Variants in NDUFA9 observed in about 807,000 individuals in gnomAD.
NDUFA9 encodes the protein NADH dehydrogenase [ubiquinone] 1 alpha subcomplex subunit 9, mitochondrial.
A neutral mutation model predicts 45.9 loss-of-function variants in NDUFA9; 23 were observed. The ratio of observed to expected loss-of-function variants is 0.50; its 90% CI spans 0.36 to 0.71. NDUFA9 has a LOEUF of 0.71. NDUFA9 is among the 30% of genes least tolerant of loss of function. The pLI is 0.00. For synonymous variants in NDUFA9, 176 were observed against 170.5 expected (o/e 1.03, Z -0.25); for missense variants, 466 against 488.2 (o/e 0.95, Z 0.43).
chr12:4,660,899 A>G (rs925428119), intron 5 of NDUFA9, among the ~76,000 whole-genome samples: 2 of 152,106 alleles, frequency 1.3e-5, no homozygotes, highest in African/African-American at 2.4e-5. Flanking sequence ...GAACTGAGGA[A>G]GTGGGAATGG....
chr12:4,672,862 GCA>G (rs1209257706), intron 8 of NDUFA9, among the ~76,000 whole-genome samples: 1 of 152,222 alleles, frequency 6.6e-6, no homozygotes, highest in African/African-American at 2.4e-5. Flanking sequence ...AGATCTCCCA[GCA>G]CAGCATTTGA....
Position 4,688,404 on chromosome 12 carries a change from G to A in NDUFA9, c.*1296G>A, listed in dbSNP as rs1946000145. 1 of 150,622 alleles carries A rather than the reference G, an allele frequency of 6.6e-6. No individual in the cohort carries two copies. Among genetic ancestry groups the A allele is most frequent in the African/African-American group, 2.5e-5 (1 of 40,796 alleles). 9.3% of individuals were successfully genotyped at this position (150,622 alleles called of 1,614,324 possible). On this transcript the variant is annotated 3_prime_UTR_variant, in exon 11 of 11. Coordinates refer to ENST00000266544, the MANE Select transcript of NDUFA9 (RefSeq NM_005002.5). ...GGAGGCTAAGGTATGATGATTGCTT[G>A]AGCCTGGGAGTTCAAGGTTACAGTG...
chr12:4,649,252 C>A, intron 1 of NDUFA9, 77 bp downstream of exon 1: 1 of 1,505,350 alleles, frequency 6.6e-7, no homozygotes, highest in Non-Finnish European at 9.0e-7. Flanking sequence ...TGGCACCGTG[C>A]TGCAGCGGTC....
Position 4,662,581 on chromosome 12 carries a change from G to T in NDUFA9, c.601G>T (p.Val201Leu), listed in dbSNP as rs201865179. 18 of 1,613,944 alleles carry T rather than the reference G, an allele frequency of 1.1e-5. 1 individual carries two copies. The East Asian group carries it at 1.8e-4, about 16-fold the overall frequency. The change falls in exon 6 of 11, where the codon GTA becomes TTA. Residue 201 changes from valine (V) to leucine (L), a missense_variant. Val to Leu is a conservative substitution (Grantham distance 32, BLOSUM62 1). Transcript: ENST00000266544. Reference sequence around the variant, plus strand: ...AGATGCATTTCCGGAAGCCATTATCGTAAAGCCGTCGGACATCTTTGGAAG... The same window carrying T: ...AGATGCATTTCCGGAAGCCATTATCTTAAAGCCGTCGGACATCTTTGGAAG... Reference protein sequence around the residue: ...VRDAFPEAIIVKPSDIFGRED... With the variant: ...VRDAFPEAIILKPSDIFGRED...
Position 4,693,963 on chromosome 12 carries a change from A to G in NDUFA9, c.*6855A>G, listed in dbSNP as rs1427967414. 1 of 152,236 alleles carries G rather than the reference A, an allele frequency of 6.6e-6. No individual in the cohort carries two copies. The highest frequency in any genetic ancestry group is 2.4e-5 in the African/African-American group (1 of 41,470). 9.4% of individuals were successfully genotyped at this position (152,236 alleles called of 1,614,324 possible). On this transcript the variant is annotated 3_prime_UTR_variant, in exon 11 of 11. Coordinates refer to ENST00000266544, the MANE Select transcript of NDUFA9 (RefSeq NM_005002.5). ...CATCTTTTCTGGGGCTAGACAGTCC[A>G]TAAATAGGACTTGGAAATGGAAGTG... is the stretch of plus-strand genomic sequence containing the variant.
intron 8 of NDUFA9, among the ~76,000 whole-genome samples, chr12:4,674,482 T>C (rs945631982): frequency 2.6e-5 from 4 of 152,108 alleles, no homozygotes; most frequent in African/African-American, 7.2e-5. Flanking sequence ...TGGAGGAATA[T>C]TTACCAAGCA....
chr12:4,666,181 A>G (rs969331520), intron 6 of NDUFA9, among the ~76,000 whole-genome samples: 2 of 152,102 alleles, frequency 1.3e-5, no homozygotes, highest in South Asian at 2.1e-4. Flanking sequence ...TGGCTACTTT[A>G]TTATTTGGAG....
At chr12:4,661,957 A>G (rs1945825611) in intron 5 of NDUFA9, among the ~76,000 whole-genome samples, 1 of 152,164 alleles carries the variant, frequency 6.6e-6, no homozygotes, top group African/African-American at 2.4e-5. Context: ...GCCCACTTGG[A>G]CATCATGTCA....
intron 5 of NDUFA9, among the ~76,000 whole-genome samples, chr12:4,660,794 T>C (rs1310614771): frequency 6.6e-6 from 1 of 152,182 alleles, no homozygotes; most frequent in African/African-American, 2.4e-5. Context: ...TCCTTGGATC[T>C]ACTGACATGG....
chr12:4,686,173 A>ATTTGG (rs1945985382), intron 10 of NDUFA9, among the ~76,000 whole-genome samples: 1 of 152,156 alleles, frequency 6.6e-6, no homozygotes, highest in Non-Finnish European at 1.5e-5. Context: ...TAGGTTTTGG[A>ATTTGG]TTTGGTTTGC....
chr12:4,657,935 A>G, intron 4 of NDUFA9, 96 bp downstream of exon 4: 1 of 955,510 alleles, frequency 1.0e-6, no homozygotes, highest in Non-Finnish European at 1.7e-6. Context: ...TATCACAGTG[A>G]CATTTTCAAT....
intron 8 of NDUFA9, among the ~76,000 whole-genome samples, chr12:4,679,081 T>G (rs6489558): frequency 0.43 from 65,454 of 151,988 alleles, 14,656 homozygotes; most frequent in Non-Finnish European, 0.5. Flanking sequence ...TAATAGAAGT[T>G]CAACAATAAA....
rs554884371 is a variant in NDUFA9, at chr12:4,677,535, A to C, written c.801-4670A>C. On this transcript the variant is annotated intron_variant, in intron 8 of 10. Coordinates refer to ENST00000266544, the MANE Select transcript of NDUFA9 (RefSeq NM_005002.5). ...AAGACATTTATGCAGCTCAACAAAC[A>C]TATGAAAAAAGCTCATCGTCACTGG... Among the ~76,000 whole-genome samples the C allele has an allele frequency of 4.1e-4, 62 of 152,362 alleles. 3 individuals carry two copies. In the South Asian group the frequency reaches 0.013, roughly 32 times the overall value.
rs781496907 is a variant in NDUFA9, at chr12:4,649,132, G to C, written c.6G>C (p.Ala2=). 6.2e-7 allele frequency: 1 copy of C among 1,604,430 alleles called. No individual in the cohort carries two copies. Among genetic ancestry groups the C allele is most frequent in the Admixed American group, 1.7e-5 (1 of 58,782 alleles). Residue 2 remains alanine (A), a synonymous_variant, in exon 1 of 11, where the codon GCG becomes GCC. Coordinates refer to ENST00000266544, the MANE Select transcript of NDUFA9 (RefSeq NM_005002.5). ...GTGGGGGATTGTGGGAAAAGATGGC[G>C]GCTGCCGCACAATCCCGGGTTGTCC... M[A]AAAQSRVVRV...
At chr12:4,669,712 A>T in intron 7 of NDUFA9, 29 bp from the exon 8 acceptor site, 1 of 1,384,954 alleles carries the variant, frequency 7.2e-7, no homozygotes, top group Non-Finnish European at 1.0e-6. Context: ...TTCAACAATT[A>T]CTTAGACATA....
chr12:4,663,848 G>C (rs914845151), intron 6 of NDUFA9, among the ~76,000 whole-genome samples: 1 of 152,138 alleles, frequency 6.6e-6, no homozygotes, highest in Non-Finnish European at 1.5e-5. Context: ...GAGGTACCTG[G>C]TAGAAATATG....
intron 6 of NDUFA9, among the ~76,000 whole-genome samples, chr12:4,663,902 A>G (rs1016091354): frequency 6.6e-6 from 1 of 152,198 alleles, no homozygotes; most frequent in African/African-American, 2.4e-5. Flanking sequence ...GGAAATGAGT[A>G]AGATGTCATT....
intron 3 of NDUFA9, chr12:4,655,302 T>G (rs996161883): frequency 5.3e-6 from 1 of 189,760 alleles, no homozygotes; most frequent in Non-Finnish European, 1.1e-5. Flanking sequence ...ATTTGGCCTA[T>G]GGACTATAGT....
At chr12:4,672,078 C>T (rs937565667) in intron 8 of NDUFA9, among the ~76,000 whole-genome samples, 16 of 152,242 alleles carry the variant, frequency 1.1e-4, no homozygotes, top group Admixed American at 5.9e-4. Context: ...ACGGTGGGTG[C>T]AGCCCAAGGA....
Sources: allele counts gnomAD v4.1 joint callset (sites outside exome capture counted in the v4.1 genomes callset), GRCh38; gene constraint gnomAD v4.1.1; transcripts MANE v1.5; gene names NCBI Gene and HGNC (gene_info 2026-07-23, HGNC 2026-07-21).